MFHAS1: variants seen among roughly 807,000 people sequenced by gnomAD.
MFHAS1 encodes the protein malignant fibrous histiocytoma-amplified sequence 1.
Under a neutral mutation model 70.4 loss-of-function variants are expected in MFHAS1, and 50 were observed. That is an observed-to-expected ratio of 0.71 (90% CI 0.57 to 0.90). The LOEUF is 0.90. MFHAS1 is among the 40% of genes least tolerant of loss of function. MFHAS1 has a pLI of 0.00. For missense variants in MFHAS1, 1,795 were observed against 1,347.6 expected (o/e 1.33, Z -5.20); for synonymous variants, 952 against 620.0 (o/e 1.54, Z -7.96).
In MFHAS1 at chr8:8,784,040, C is replaced by T. The variant is rs757366477; in HGVS notation, c.*1982G>A. The T allele has an allele frequency of 4.6e-5, 7 of 152,052 alleles. No individual in the cohort carries two copies. The highest frequency in any genetic ancestry group is 5.9e-5 in the Non-Finnish European group (4 of 68,020). 9.4% of individuals were successfully genotyped at this position (152,052 alleles called of 1,614,324 possible). Reference sequence around the variant, plus strand: ...AAATATTAGATATTAAGAATGTGGGCGTTTATGTTCGTAACAGCAAATACT... The same window carrying T: ...AAATATTAGATATTAAGAATGTGGGTGTTTATGTTCGTAACAGCAAATACT... On this transcript the variant is annotated 3_prime_UTR_variant, in exon 3 of 3. Transcript: ENST00000276282.
At chr8:8,883,854 T>C (rs1809635757) in intron 1 of MFHAS1, among the ~76,000 whole-genome samples, 5 of 151,628 alleles carry the variant, frequency 3.3e-5, no homozygotes, top group Admixed American at 3.3e-4. Flanking sequence ...CCTCACCTCT[T>C]CACGGACAAA....
intron 1 of MFHAS1, among the ~76,000 whole-genome samples, chr8:8,874,469 T>C (rs1245927968): frequency 2.0e-5 from 3 of 151,718 alleles, no homozygotes; most frequent in Non-Finnish European, 4.4e-5. Flanking sequence ...GAACAAGGAG[T>C]ACAGCATGAT....
chr8:8,871,072 G>C (rs1809057947), intron 1 of MFHAS1, among the ~76,000 whole-genome samples: 1 of 152,058 alleles, frequency 6.6e-6, no homozygotes, highest in Non-Finnish European at 1.5e-5. Context: ...ACAAGCTATT[G>C]CCTTCCTGAG....
In MFHAS1 at chr8:8,891,717, G is replaced by C. The variant is rs934869425; in HGVS notation, c.1342C>G (p.Pro448Ala). 2 of 1,613,320 alleles carry C rather than the reference G, an allele frequency of 1.2e-6. No homozygotes were observed. The highest frequency in any genetic ancestry group is 2.7e-5 in the African/African-American group (2 of 74,926). ...PGGGDKEKCY[P>A]PSPPPVSKGI... ...TTGCTCACAGGGGGAGGTGACGGTG[G>C]GTAGCACTTCTCCTTGTCCCCTCCT... The change falls in exon 1 of 3, where the codon CCA becomes GCA. Residue 448 changes from proline (P) to alanine (A), a missense_variant. Coordinates refer to ENST00000276282, the MANE Select transcript of MFHAS1 (RefSeq NM_004225.3). The surrounding 1 kb of genome is among the most constrained non-coding windows in gnomAD (Gnocchi z 5.4).
intron 1 of MFHAS1, among the ~76,000 whole-genome samples, chr8:8,844,297 T>C (rs1807947212): frequency 6.6e-6 from 1 of 152,216 alleles, no homozygotes; most frequent in Non-Finnish European, 1.5e-5. Flanking sequence ...TTACTATTTC[T>C]CTTTAAAATG....
At chr8:8,816,321 C>A (rs994773887) in intron 1 of MFHAS1, among the ~76,000 whole-genome samples, 6 of 152,190 alleles carry the variant, frequency 3.9e-5, no homozygotes, top group African/African-American at 1.4e-4. Context: ...CAATTACAAA[C>A]AAACAAAAAC....
At chr8:8,885,516 A>C (rs1308239444) in intron 1 of MFHAS1, among the ~76,000 whole-genome samples, 1 of 152,202 alleles carries the variant, frequency 6.6e-6, no homozygotes, top group African/African-American at 2.4e-5. Flanking sequence ...CAAGAGTACC[A>C]ACTCTTTGAG....
At chr8:8,870,719 A>T (rs1809044375) in intron 1 of MFHAS1, among the ~76,000 whole-genome samples, 1 of 152,026 alleles carries the variant, frequency 6.6e-6, no homozygotes, top group Non-Finnish European at 1.5e-5. Context: ...TTCTCCTGGA[A>T]TTTATTACAC....
intron 1 of MFHAS1, among the ~76,000 whole-genome samples, chr8:8,887,062 G>C (rs1391537404): frequency 6.6e-6 from 1 of 152,154 alleles, no homozygotes; most frequent in African/African-American, 2.4e-5. Flanking sequence ...AGGAGGCAGA[G>C]GTTGCAGTGA....
chr8:8,868,601 G>A (rs1015513691), intron 1 of MFHAS1, among the ~76,000 whole-genome samples: 1 of 151,932 alleles, frequency 6.6e-6, no homozygotes, highest in African/African-American at 2.4e-5. Context: ...CCCAACAAAT[G>A]AGCATCTTAT....
At position 8,886,174 on chromosome 8, in the gene MFHAS1, T is replaced by C. The variant is rs111518700; in HGVS notation, c.2998+3887A>G. On this transcript the variant is annotated intron_variant, in intron 1 of 2. Coordinates refer to ENST00000276282, the MANE Select transcript of MFHAS1 (RefSeq NM_004225.3). The stretch of plus-strand genomic sequence containing the variant: ...AAACTAGTGATTGCTGGATGTGCAT[T>C]TTCCAATCATTTCTTTTTTTTTTTT... Among the ~76,000 whole-genome samples, 873 of 152,244 alleles carry C rather than the reference T, an allele frequency of 5.7e-3. 5 individuals are homozygous for C. Among genetic ancestry groups the C allele is most frequent in the Non-Finnish European group, 8.9e-3 (605 of 68,018 alleles).
chr8:8,866,088 A>C (rs1430196054), intron 1 of MFHAS1, among the ~76,000 whole-genome samples: 1 of 152,216 alleles, frequency 6.6e-6, no homozygotes, highest in African/African-American at 2.4e-5. Flanking sequence ...CTCTACTCCT[A>C]GCTGAAGTGC....
Position 8,890,191 on chromosome 8 carries a change from C to A in MFHAS1, c.2868G>T (p.Trp956Cys). 6.2e-7 allele frequency: 1 copy of A among 1,614,154 alleles called. No homozygotes were observed. The highest frequency in any genetic ancestry group is 8.5e-7 in the Non-Finnish European group (1 of 1,180,036). The part of the protein sequence containing the change: ...HASLPNIWTA[W>C]QAITPLVEEL... ...CCTCCACCAAGGGGGTTATGGCTTG[C>A]CATGCGGTCCATATATTTGGTAATG... Residue 956 changes from tryptophan to cysteine, a missense_variant, in exon 1 of 3, where the codon TGG becomes TGT. By Grantham distance (215) the Trp-to-Cys change is radical (BLOSUM62 -2). Transcript: ENST00000276282.
chr8:8,862,390 T>TTC (rs1375003994), intron 1 of MFHAS1, among the ~76,000 whole-genome samples: 4 of 150,710 alleles, frequency 2.7e-5, no homozygotes, highest in African/African-American at 9.7e-5. Flanking sequence ...TATAAGAGGT[T>TTC]TTTTTTTTTT....
chr8:8,802,121 T>C (rs1232093522), intron 1 of MFHAS1, among the ~76,000 whole-genome samples: 2 of 152,206 alleles, frequency 1.3e-5, no homozygotes, highest in Admixed American at 6.5e-5. Context: ...ACTGGCTTAA[T>C]GTTGTTTATG....
rs1415790862 is a variant in MFHAS1 at position 8,783,820 on chromosome 8, T to TGTTAG, written c.*2201_*2202insCTAAC. 6.6e-6 allele frequency: 1 copy of TGTTAG among 152,164 alleles called. No individual in the cohort carries two copies. Among genetic ancestry groups the TGTTAG allele is most frequent in the Admixed American group, 6.5e-5 (1 of 15,282 alleles). The allele number at this position is 152,164 out of a possible 1,614,324, so 9.4% of individuals were successfully genotyped here. The stretch of plus-strand genomic sequence containing the variant: ...TCTTGCATAGACAGCTGAAGAGTCC[T>TGTTAG]GTAGAGCAGAGTGATTTTTGTATCT... On this transcript the variant is annotated 3_prime_UTR_variant, in exon 3 of 3. Transcript: ENST00000276282.
chr8:8,841,803 G>C (rs1274684352), intron 1 of MFHAS1, among the ~76,000 whole-genome samples: 5 of 152,184 alleles, frequency 3.3e-5, no homozygotes, highest in Non-Finnish European at 7.3e-5. Context: ...AAAAAGACTT[G>C]ATCTTCCTGT....
At chr8:8,833,249 A>G (rs1807474890) in intron 1 of MFHAS1, among the ~76,000 whole-genome samples, 1 of 152,218 alleles carries the variant, frequency 6.6e-6, no homozygotes, top group Admixed American at 6.5e-5. Context: ...TTGCATTTCA[A>G]CATGAGATTT....
chr8:8,800,946 TGGCTC>T (rs1189067948), intron 1 of MFHAS1, among the ~76,000 whole-genome samples: 69 of 152,250 alleles, frequency 4.5e-4, no homozygotes, highest in African/African-American at 1.6e-3. Flanking sequence ...CTGGGTGCAG[TGGCTC>T]ACACCTGTAA....
Sources: allele counts gnomAD v4.1 joint callset (sites outside exome capture counted in the v4.1 genomes callset), GRCh38; gene constraint gnomAD v4.1.1; non-coding constraint Gnocchi (gnomAD v3.1); transcripts MANE v1.5; gene names NCBI Gene and HGNC (gene_info 2026-07-23, HGNC 2026-07-21).